UGT1A10: variants seen among roughly 807,000 people sequenced by gnomAD.
UGT1A10 encodes the protein UDP glucuronosyltransferase family 1 member A10, also known as UDP-glucuronosyltransferase 1A10.
In UGT1A10, 49 loss-of-function variants were observed where a neutral mutation model predicts 45.8. The observed-to-expected ratio is 1.07, with a 90% CI of 0.85 to 1.36. UGT1A10 has a LOEUF of 1.36. UGT1A10 is among the 40% of genes most tolerant of loss of function. The pLI is 0.00. For missense variants in UGT1A10, 745 were observed against 668.6 expected, an observed-to-expected ratio of 1.11 and a Z score of -1.26; for synonymous variants, 284 against 249.7, an observed-to-expected ratio of 1.14 and a Z score of -1.29.
At chr2:233,672,716 A>G (rs2074238061) in intron 1 of UGT1A10, 1 of 1,613,960 alleles carries the variant, frequency 6.2e-7, no homozygotes, top group Non-Finnish European at 8.5e-7. Context: ...GTTTTGGACT[A>G]TCCCAAACCC....
intron 1 of UGT1A10, among the ~76,000 whole-genome samples, chr2:233,700,626 G>C (rs1477114109): frequency 6.6e-6 from 1 of 152,038 alleles, no homozygotes; most frequent in African/African-American, 2.4e-5. Flanking sequence ...GTTCCAGTAA[G>C]ATTTAATGAC....
At chr2:233,649,056 A>G (rs376103655) in intron 1 of UGT1A10, 1 of 964,104 alleles carries the variant, frequency 1.0e-6, no homozygotes, top group African/African-American at 1.7e-5. Context: ...GCACATTAAA[A>G]GTATTCTGGA....
intron 1 of UGT1A10, among the ~76,000 whole-genome samples, chr2:233,695,779 T>G (rs1173631160): frequency 6.6e-6 from 1 of 152,234 alleles, no homozygotes; most frequent in Admixed American, 6.5e-5. Context: ...TGAATAATTT[T>G]CCATTCTGTA....
At chr2:233,715,615 T>C (rs1446871152) in intron 1 of UGT1A10, among the ~76,000 whole-genome samples, 1 of 151,806 alleles carries the variant, frequency 6.6e-6, no homozygotes, top group Non-Finnish European at 1.5e-5. Flanking sequence ...CTACAAAAAA[T>C]TAAAAAATTA....
rs774459514 is a variant in UGT1A10 at position 233,636,559 on chromosome 2, T to C, written c.37T>C (p.Cys13Arg). ...AGGGTGGACCAGCCCCGTTCCTTTA[T>C]GTGTGTGTCTACTGCTGACCTGTGG... ...RAGWTSPVPL[C>R]VCLLLTCGFA... is the part of the protein sequence containing the mutation. The change falls in exon 1 of 5, where the codon TGT becomes CGT. Residue 13 changes from cysteine (C) to arginine (R), a missense_variant. Cys to Arg is a radical substitution (Grantham distance 180, BLOSUM62 -3). Transcript: ENST00000344644. The C allele has an allele frequency of 5.6e-6, 9 of 1,614,064 alleles. No homozygotes were observed. The African/African-American group carries it at 9.3e-5, about 17-fold the overall frequency.
At chr2:233,671,847 G>A in intron 1 of UGT1A10, 1 of 1,494,272 alleles carries the variant, frequency 6.7e-7, no homozygotes, top group Non-Finnish European at 8.9e-7. Flanking sequence ...CCCTCTATTG[G>A]GGTCAGGTTT....
chr2:233,665,244 A>G (rs2125493597), intron 1 of UGT1A10, among the ~76,000 whole-genome samples: 1 of 152,314 alleles, frequency 6.6e-6, no homozygotes, highest in South Asian at 2.1e-4. Flanking sequence ...TTTACTTTGG[A>G]TTTAATGTAG....
intron 1 of UGT1A10, chr2:233,648,341 G>T: frequency 2.2e-6 from 1 of 449,432 alleles, no homozygotes. Context: ...GTCTTCGCCA[G>T]AGGAATACTT....
intron 1 of UGT1A10, chr2:233,755,069 G>T: frequency 2.2e-6 from 3 of 1,336,508 alleles, no homozygotes; most frequent in Non-Finnish European, 3.0e-6. Flanking sequence ...CCTCGCCATA[G>T]CGGTCATAGA....
At chr2:233,669,485 T>C (rs116377971) in intron 1 of UGT1A10, among the ~76,000 whole-genome samples, 107 of 152,324 alleles carry the variant, frequency 7.0e-4, no homozygotes, top group African/African-American at 2.5e-3. Flanking sequence ...AATGTTTTGT[T>C]GTTTTCAGTG....
chr2:233,668,785 T>C (rs754614429), intron 1 of UGT1A10, among the ~76,000 whole-genome samples: 1 of 152,370 alleles, frequency 6.6e-6, no homozygotes, highest in Non-Finnish European at 1.5e-5. Flanking sequence ...ATGTTTTCTT[T>C]AGATGTCATT....
At chr2:233,679,321 C>T (rs924333147) in intron 1 of UGT1A10, among the ~76,000 whole-genome samples, 1 of 152,212 alleles carries the variant, frequency 6.6e-6, no homozygotes, top group Non-Finnish European at 1.5e-5. Flanking sequence ...ATCCAGAAAA[C>T]GCGTTCTTAT....
At chr2:233,685,934 CA>C (rs2074765485) in intron 1 of UGT1A10, among the ~76,000 whole-genome samples, 1 of 152,060 alleles carries the variant, frequency 6.6e-6, no homozygotes, top group African/African-American at 2.4e-5. Context: ...CTGATTGTCT[CA>C]AAAAAGTCTT....
At chr2:233,690,827 G>A in intron 1 of UGT1A10, 1 of 1,065,762 alleles carries the variant, frequency 9.4e-7, no homozygotes, top group Non-Finnish European at 1.1e-6. Context: ...AAAGCTCACA[G>A]GAGAAAGAAA....
chr2:233,748,596 G>C (rs905519077), intron 1 of UGT1A10, among the ~76,000 whole-genome samples: 5 of 151,812 alleles, frequency 3.3e-5, no homozygotes, highest in African/African-American at 1.2e-4. Flanking sequence ...CAGTTCAGTG[G>C]AAGTAGAGCA....
At chr2:233,751,923 T>G (rs1390474537) in intron 1 of UGT1A10, among the ~76,000 whole-genome samples, 1 of 152,048 alleles carries the variant, frequency 6.6e-6, no homozygotes, top group Non-Finnish European at 1.5e-5. Context: ...ACAAGATTGG[T>G]GGTGATTGAA....
At chr2:233,672,076 C>T in intron 1 of UGT1A10, 1 of 1,614,126 alleles carries the variant, frequency 6.2e-7, no homozygotes, top group Non-Finnish European at 8.5e-7. Flanking sequence ...GGTGGAGAAA[C>T]TCATTCTCAG....
At chr2:233,733,336 C>T (rs185739129) in intron 1 of UGT1A10, among the ~76,000 whole-genome samples, 4 of 152,264 alleles carry the variant, frequency 2.6e-5, no homozygotes, top group Admixed American at 2.6e-4. Context: ...CCAGAACTTC[C>T]AACAGTATGT....
In UGT1A10 at chr2:233,637,108, G is replaced by A. The variant is rs1167236595; in HGVS notation, c.586G>A (p.Gly196Arg). ...PLSYVPNDLL[G>R]FSDAMTFKER... ...TTCCTATGTCCCCAATGATCTCTTA[G>A]GGTTCTCAGATGCCATGACTTTCAA... Residue 196 changes from glycine (G) to arginine (R), a missense_variant, in exon 1 of 5, where the codon GGG becomes AGG. Physicochemically the swap from Gly to Arg is moderately radical, Grantham distance 125 (BLOSUM62 -2). Coordinates refer to ENST00000344644, the MANE Select transcript of UGT1A10 (RefSeq NM_019075.4). The A allele has an allele frequency of 1.2e-6, 2 of 1,613,878 alleles. No homozygotes were observed. Among genetic ancestry groups the A allele is most frequent in the Non-Finnish European group, 1.7e-6 (2 of 1,179,854 alleles).
Sources: gnomAD v4.1 joint callset for allele counts (sites outside exome capture counted in the v4.1 genomes callset) on GRCh38, gnomAD v4.1.1 for gene constraint, MANE v1.5 for transcripts, NCBI Gene and HGNC (gene_info 2026-07-23, HGNC 2026-07-21) for gene names.